The following EPN1 variants were observed in gnomAD, a reference collection of about 807,000 sequenced individuals.
EPN1 encodes the protein epsin 1.
In EPN1, 25 loss-of-function variants were observed where a neutral mutation model predicts 56.9. The ratio of observed to expected loss-of-function variants is 0.44; its 90% CI spans 0.32 to 0.61. EPN1 has a LOEUF of 0.61. EPN1 is among the 20% of genes least tolerant of loss of function. The probability of loss-of-function intolerance (pLI) is 0.05; values close to 1 mark genes in which losing one functional copy is unlikely to be tolerated. For missense variants in EPN1, 785 were observed against 823.7 expected (o/e 0.95, Z 0.58); for synonymous variants, 411 against 361.8 (o/e 1.14, Z -1.54).
intron 9 of EPN1, among the ~76,000 whole-genome samples, chr19:55,693,966 A>C (rs180835591): frequency 6.6e-6 from 1 of 152,172 alleles, no homozygotes; most frequent in Non-Finnish European, 1.5e-5. Context: ...CTGTAATCCC[A>C]GCACTTTGGA....
chr19:55,679,251 G>A (rs771114881), intron 2 of EPN1, among the ~76,000 whole-genome samples: 1 of 152,264 alleles, frequency 6.6e-6, no homozygotes, highest in South Asian at 2.1e-4. Flanking sequence ...GGGGATGAAC[G>A]CTGTCGTGCC....
At position 55,706,665 on chromosome 19, in the gene EPN1, A is replaced by AGGG. The variant is rs1491459815; in HGVS notation, c.*11310_*11311insGGG. 9 of 113,478 alleles carry AGGG rather than the reference A, an allele frequency of 7.9e-5. No homozygotes were observed. The highest frequency in any genetic ancestry group is 7.8e-4 in the East Asian group (3 of 3,832). 7.0% of individuals were successfully genotyped at this position (113,478 alleles called of 1,614,324 possible). A position where few individuals can be genotyped will look rare whatever the true frequency, so the allele number is the denominator to read the frequency against. ...GGGGAAGGAAAAGGAAAGAAAGAAAAGAGGGGAAGGGAAGGGAGAGATTTA... is the reference window on the plus strand; with the variant it reads ...GGGGAAGGAAAAGGAAAGAAAGAAAAGGGGAGGGGAAGGGAAGGGAGAGATTTA... On this transcript the variant is annotated 3_prime_UTR_variant, in exon 11 of 11. Transcript: ENST00000270460.
chr19:55,679,615 G>T (rs1313629588), intron 2 of EPN1, among the ~76,000 whole-genome samples: 5 of 152,232 alleles, frequency 3.3e-5, no homozygotes, highest in African/African-American at 9.6e-5. Context: ...ACCTGGGCCT[G>T]CTCTGGCGGA....
chr19:55,700,285 T>A lies in EPN1; in HGVS notation c.*4929T>A, dbSNP rs912290998. 7 of 148,060 alleles carry A rather than the reference T, an allele frequency of 4.7e-5. 1 individual carries two copies. The highest frequency in any genetic ancestry group is 2.1e-4 in the South Asian group (1 of 4,758). The allele number at this position is 148,060 out of a possible 1,614,324, so 9.2% of individuals were successfully genotyped here. ...ACTTCCTTTCCTTATTATTATTATT[T>A]ATTTTTTTTTTGAGATGGAGTCTTG... On this transcript the variant is annotated 3_prime_UTR_variant, in exon 11 of 11. Coordinates refer to ENST00000270460, the MANE Select transcript of EPN1 (RefSeq NM_001130072.2).
chr19:55,698,411 G>T lies in EPN1; in HGVS notation c.*3055G>T, dbSNP rs1986993994. 6.6e-6 allele frequency: 1 copy of T among 152,224 alleles called. No individual in the cohort carries two copies. Among genetic ancestry groups the T allele is most frequent in the East Asian group, 1.9e-4 (1 of 5,192 alleles). 9.4% of individuals were successfully genotyped at this position (152,224 alleles called of 1,614,324 possible). Reference sequence around the variant, plus strand: ...CGACTCTGTTCAGGGCCTAGGGGTTGGGTGGGGAAGGCACTTGAGGGAACC... The same window carrying T: ...CGACTCTGTTCAGGGCCTAGGGGTTTGGTGGGGAAGGCACTTGAGGGAACC... On this transcript the variant is annotated 3_prime_UTR_variant, in exon 11 of 11. Coordinates refer to ENST00000270460, the MANE Select transcript of EPN1 (RefSeq NM_001130072.2).
At chr19:55,688,233 G>A (rs1463673618) in intron 3 of EPN1, among the ~76,000 whole-genome samples, 1 of 152,082 alleles carries the variant, frequency 6.6e-6, no homozygotes, top group Non-Finnish European at 1.5e-5. Context: ...AGAGTTTGAG[G>A]GTAGGCGGGG....
intron 2 of EPN1, among the ~76,000 whole-genome samples, chr19:55,685,047 T>C (rs1986071580): frequency 6.6e-6 from 1 of 152,216 alleles, no homozygotes; most frequent in Non-Finnish European, 1.5e-5. Context: ...GTGGTCCCTC[T>C]CCATCCCTCC....
intron 1 of EPN1, among the ~76,000 whole-genome samples, chr19:55,678,080 G>C (rs1249454877): frequency 6.6e-6 from 1 of 151,116 alleles, no homozygotes; most frequent in South Asian, 2.1e-4. Flanking sequence ...CACCTGGGAA[G>C]TGTAAGCAGA....
chr19:55,679,044 A>G (rs1456854113), intron 2 of EPN1, among the ~76,000 whole-genome samples, 189 bp downstream of exon 2: 1 of 152,242 alleles, frequency 6.6e-6, no homozygotes, highest in African/African-American at 2.4e-5. Flanking sequence ...TGTGGTTAAA[A>G]TCTGTTTTTG....
At chr19:55,682,759 T>A (rs1354731695) in intron 2 of EPN1, among the ~76,000 whole-genome samples, 1 of 151,050 alleles carries the variant, frequency 6.6e-6, no homozygotes, top group African/African-American at 2.4e-5. Context: ...TTATTGTTTC[T>A]TATTTATTTA....
At position 55,694,499 on chromosome 19, in the gene EPN1, C is replaced by T. The variant is rs1419133304; in HGVS notation, c.1265-227C>T. 8.8e-6 allele frequency: 4 copies of T among 454,988 alleles called. No homozygotes were observed. The highest frequency in any genetic ancestry group is 8.0e-5 in the African/African-American group (4 of 49,938). The allele number at this position is 454,988 out of a possible 1,614,324, so 28.2% of individuals were successfully genotyped here. On this transcript the variant is annotated intron_variant, in intron 9 of 10. Transcript: ENST00000270460. This position sits in a 1 kb window ranked among gnomAD's most constrained non-coding sequence, Gnocchi z 4.2. ...GAGGGTGACACCTGCTTCTGTCATC[C>T]CTCTTGTGTTTGCTCACTGGAATCA...
chr19:55,689,396 C>CCCCT lies in EPN1; in HGVS notation c.678+26_678+29dup. 6.5e-7 allele frequency: 1 copy of CCCCT among 1,536,058 alleles called. No homozygotes were observed. ...GGTCAGAGCAGCCTCCCTGTCCCTG[C>CCCCT]CCCTGCCAGGGGCTCCCCTCAGACC... On this transcript the variant is annotated intron_variant, in intron 5 of 10. Coordinates refer to ENST00000270460, the MANE Select transcript of EPN1 (RefSeq NM_001130072.2). The surrounding 1 kb of genome is among the most constrained non-coding windows in gnomAD (Gnocchi z 5.7).
Position 55,691,647 on chromosome 19 carries a change from T to A in EPN1, c.763-107T>A. Reference sequence around the variant, plus strand: ...TCACCCCTTATGGATGGCTGCTGTCTGGACACCCAGGGCCTGGCCGCCTCC... The same window carrying A: ...TCACCCCTTATGGATGGCTGCTGTCAGGACACCCAGGGCCTGGCCGCCTCC... On this transcript the variant is annotated intron_variant, in intron 6 of 10. Coordinates refer to ENST00000270460, the MANE Select transcript of EPN1 (RefSeq NM_001130072.2). This position sits in a 1 kb window ranked among gnomAD's most constrained non-coding sequence, Gnocchi z 5.6. 1 of 937,064 alleles carries A rather than the reference T, an allele frequency of 1.1e-6. No individual in the cohort carries two copies. The highest frequency in any genetic ancestry group is 1.6e-6 in the Non-Finnish European group (1 of 606,466). The allele number at this position is 937,064 out of a possible 1,614,324, so 58.0% of individuals were successfully genotyped here.
Position 55,692,968 on chromosome 19 carries a change from A to G in EPN1, c.1195A>G (p.Thr399Ala). ...NGTTAAGGFD[T>A]EPDEFSDFDR... ...CCCCACAGCAGCCGGGGGATTCGAC[A>G]CGGAGCCCGACGAGTTCTCTGACTT... is the stretch of plus-strand genomic sequence containing the variant. The change falls in exon 9 of 11, where the codon ACG (threonine) becomes GCG (alanine). Residue 399 changes from threonine to alanine, a missense_variant. Physicochemically the swap from Thr to Ala is moderately conservative, Grantham distance 58. This residue lies in a region of EPN1 where 650 missense variants were observed against 605.0 expected (regional missense o/e 1.07). Coordinates refer to ENST00000270460, the MANE Select transcript of EPN1 (RefSeq NM_001130072.2). The G allele has an allele frequency of 6.2e-7, 1 of 1,613,406 alleles. No homozygotes were observed.
chr19:55,680,139 C>T (rs780277383), intron 2 of EPN1, among the ~76,000 whole-genome samples: 1 of 152,120 alleles, frequency 6.6e-6, no homozygotes, highest in Non-Finnish European at 1.5e-5. Flanking sequence ...GGAGAGGGGA[C>T]GTGGCCTCCA....
At chr19:55,679,499 G>A (rs911950273) in intron 2 of EPN1, among the ~76,000 whole-genome samples, 9 of 152,218 alleles carry the variant, frequency 5.9e-5, no homozygotes, top group African/African-American at 1.4e-4. Flanking sequence ...GGGCTGGTGA[G>A]TGTTAGACTC....
chr19:55,677,042 T>G (rs1303025919), intron 1 of EPN1: 3 of 1,453,294 alleles, frequency 2.1e-6, no homozygotes, highest in Non-Finnish European at 1.9e-6. Flanking sequence ...ACATCTGTCT[T>G]CAGGTGCCTG....
chr19:55,681,076 G>A (rs1213304801), intron 2 of EPN1, among the ~76,000 whole-genome samples: 2 of 152,236 alleles, frequency 1.3e-5, no homozygotes, highest in Admixed American at 1.3e-4. Flanking sequence ...CAGAGCCCAG[G>A]CTGTCCCACC....
In EPN1 at chr19:55,694,635, T is replaced by C; in HGVS notation, c.1265-91T>C. ...CGAGGCCTCTGGGCACCGGGCTCTT[T>C]GAAGCGCCCCCTATGATGGCCTATA... On this transcript the variant is annotated intron_variant, in intron 9 of 10. Coordinates refer to ENST00000270460, the MANE Select transcript of EPN1 (RefSeq NM_001130072.2). The surrounding 1 kb of genome is among the most constrained non-coding windows in gnomAD (Gnocchi z 4.2). 7.0e-7 allele frequency: 1 copy of C among 1,430,100 alleles called. No individual in the cohort carries two copies. The highest frequency in any genetic ancestry group is 1.4e-5 in the African/African-American group (1 of 70,220). 88.6% of individuals were successfully genotyped at this position (1,430,100 alleles called of 1,614,324 possible). A position where few individuals can be genotyped will look rare whatever the true frequency, so the allele number is the denominator to read the frequency against.
Sources: allele counts gnomAD v4.1 joint callset (sites outside exome capture counted in the v4.1 genomes callset), GRCh38; gene constraint gnomAD v4.1.1; regional missense constraint gnomAD v4.1.1; non-coding constraint Gnocchi (gnomAD v3.1); transcripts MANE v1.5; gene names NCBI Gene and HGNC (gene_info 2026-07-23, HGNC 2026-07-21).